Variants in SUGCT observed in about 807,000 individuals in gnomAD.
SUGCT encodes the protein succinyl-CoA:glutarate-CoA transferase.
SUGCT carries 41 observed loss-of-function variants against 55.0 expected under a neutral mutation model. That is an observed-to-expected ratio of 0.74 (90% CI 0.58 to 0.97). SUGCT has a LOEUF of 0.97. SUGCT is among the 50% of genes least tolerant of loss of function. The probability of loss-of-function intolerance (pLI) is 0.00; values close to 1 mark genes in which losing one functional copy is unlikely to be tolerated. For missense variants in SUGCT, 568 were observed against 547.8 expected, an observed-to-expected ratio of 1.04 and a Z score of -0.37; for synonymous variants, 187 against 200.4, an observed-to-expected ratio of 0.93 and a Z score of 0.56.
chr7:40,272,667 T>A (rs12535794), intron 7 of SUGCT, among the ~76,000 whole-genome samples: 43,237 of 139,264 alleles, frequency 0.31, 6,866 homozygotes, highest in Middle Eastern at 0.42. Context: ...TATTATTATT[T>A]TTTTTTTTTT....
chr7:40,186,616 G>C (rs1040716893), intron 3 of SUGCT, among the ~76,000 whole-genome samples: 1 of 152,154 alleles, frequency 6.6e-6, no homozygotes, highest in Non-Finnish European at 1.5e-5. Flanking sequence ...TGTAACCAAA[G>C]AGCATATTAT....
chr7:40,888,616 C>T, the SUGCT span, among the ~76,000 whole-genome samples: 2 of 152,212 alleles, frequency 1.3e-5, no homozygotes, highest in African/African-American at 4.8e-5. Flanking sequence ...AAAAAATAAC[C>T]ATGTCACATA....
At chr7:40,485,540 C>T (rs909147327) in intron 11 of SUGCT, among the ~76,000 whole-genome samples, 25 of 150,888 alleles carry the variant, frequency 1.7e-4, no homozygotes, top group Non-Finnish European at 3.1e-4. Context: ...GTGCTCTCAC[C>T]TCAGCCTTCC....
chr7:40,891,227 C>G, the SUGCT span, among the ~76,000 whole-genome samples: 1 of 152,164 alleles, frequency 6.6e-6, no homozygotes, highest in African/African-American at 2.4e-5. Flanking sequence ...GAGAATGGAA[C>G]AGAAAGCATA....
In SUGCT at chr7:40,623,209, C is replaced by T. The variant is rs565985318; in HGVS notation, c.1090-126225C>T. Among the ~76,000 whole-genome samples, 89 of 152,318 alleles carry T rather than the reference C, an allele frequency of 5.8e-4. 1 individual carries two copies. Among genetic ancestry groups the T allele is most frequent in the African/African-American group, 2.0e-3 (84 of 41,578 alleles). ...TCTCTTTCTCCATTTGCCCATCTCT[C>T]CATGCCAGGGACTCCATAGTTTTTT... On this transcript the variant is annotated intron_variant, in intron 12 of 13. Coordinates refer to ENST00000335693, the MANE Select transcript of SUGCT (RefSeq NM_001193313.2).
intron 1 of SUGCT, among the ~76,000 whole-genome samples, chr7:40,163,498 G>A (rs192088128): frequency 3.3e-5 from 5 of 151,942 alleles, no homozygotes; most frequent in South Asian, 4.2e-4. Flanking sequence ...CCAGCTACTC[G>A]GGAGGCTGAG....
At chr7:40,361,330 T>G (rs1798142515) in intron 9 of SUGCT, among the ~76,000 whole-genome samples, 1 of 151,982 alleles carries the variant, frequency 6.6e-6, no homozygotes, top group African/African-American at 2.4e-5. Flanking sequence ...ATCCTAGCAC[T>G]TTGGGAGGCT....
intron 12 of SUGCT, among the ~76,000 whole-genome samples, chr7:40,634,992 A>C (rs1346410978): frequency 6.6e-6 from 1 of 152,196 alleles, no homozygotes; most frequent in Non-Finnish European, 1.5e-5. Context: ...CAGTTAATGA[A>C]AATGGGACTG....
the SUGCT span, among the ~76,000 whole-genome samples, chr7:40,996,846 T>C: frequency 1.3e-5 from 2 of 152,200 alleles, no homozygotes; most frequent in African/African-American, 4.8e-5. Context: ...AACTATTCTC[T>C]GTCATTTCTC....
chr7:40,175,223 A>AT lies in SUGCT; in HGVS notation c.101-5711dup, dbSNP rs979135435. ...GTATCTTTCACTGTAGTGCGTTTAA[A>AT]TTTTTTTTTTTTTCGAGACAGAGTC... On this transcript the variant is annotated intron_variant, in intron 1 of 13. Coordinates refer to ENST00000335693, the MANE Select transcript of SUGCT (RefSeq NM_001193313.2). Among the ~76,000 whole-genome samples the AT allele has an allele frequency of 4.3e-3, 616 of 143,454 alleles. 2 individuals carry two copies. Among genetic ancestry groups the AT allele is most frequent in the African/African-American group, 0.012 (465 of 39,318 alleles). The allele number at this position is 143,454 out of a possible 152,430, so 94.1% of individuals were successfully genotyped here.
intron 13 of SUGCT, among the ~76,000 whole-genome samples, chr7:40,828,542 C>T (rs4723979): frequency 0.2 from 29,836 of 147,996 alleles, 3,377 homozygotes; most frequent in East Asian, 0.51. Flanking sequence ...CTCCTATTAC[C>T]GTTATATTCT....
chr7:40,763,533 GTTCGC>G (rs1239803306), intron 13 of SUGCT, among the ~76,000 whole-genome samples: 1 of 152,142 alleles, frequency 6.6e-6, no homozygotes, highest in Non-Finnish European at 1.5e-5. Flanking sequence ...GAGTGAAATG[GTTCGC>G]TCATGTTTGA....
chr7:40,710,441 G>C (rs536263483), intron 12 of SUGCT, among the ~76,000 whole-genome samples: 1 of 152,122 alleles, frequency 6.6e-6, no homozygotes, highest in African/African-American at 2.4e-5. Context: ...GGTGAGTAAG[G>C]GGCACTGAGG....
At chr7:40,278,245 A>C (rs1439397588) in intron 8 of SUGCT, among the ~76,000 whole-genome samples, 1 of 152,202 alleles carries the variant, frequency 6.6e-6, no homozygotes, top group Non-Finnish European at 1.5e-5. Context: ...CACACCAATT[A>C]GAATGGCAAT....
At chr7:40,596,322 CA>C (rs1798008082) in intron 12 of SUGCT, among the ~76,000 whole-genome samples, 1 of 152,026 alleles carries the variant, frequency 6.6e-6, no homozygotes, top group Non-Finnish European at 1.5e-5. Context: ...ACTGGGAGTA[CA>C]TCATGTCCTT....
intron 11 of SUGCT, among the ~76,000 whole-genome samples, chr7:40,482,400 A>T (rs1583796971): frequency 6.6e-6 from 1 of 152,252 alleles, no homozygotes; most frequent in Non-Finnish European, 1.5e-5. Context: ...TCCACAATTT[A>T]TACAAAAATG....
chr7:40,353,068 G>A (rs556239518), intron 9 of SUGCT, among the ~76,000 whole-genome samples: 3 of 152,126 alleles, frequency 2.0e-5, no homozygotes, highest in Non-Finnish European at 1.5e-5. Flanking sequence ...GGCCACACGT[G>A]TCTTCTTTTG....
intron 11 of SUGCT, among the ~76,000 whole-genome samples, chr7:40,476,881 C>G (rs959687467): frequency 1.3e-4 from 20 of 151,870 alleles, no homozygotes; most frequent in African/African-American, 4.8e-4. Flanking sequence ...ACTGCAACCT[C>G]TGCCTCTCAG....
chr7:40,992,539 G>T, the SUGCT span, among the ~76,000 whole-genome samples: 1 of 152,050 alleles, frequency 6.6e-6, no homozygotes, highest in East Asian at 1.9e-4. Context: ...TCAAGATGGA[G>T]TTGCTCTGGT....
Sources: allele counts gnomAD v4.1 joint callset (sites outside exome capture counted in the v4.1 genomes callset), GRCh38; gene constraint gnomAD v4.1.1; transcripts MANE v1.5; gene names NCBI Gene and HGNC (gene_info 2026-07-23, HGNC 2026-07-21).